Variants in TNIK observed in about 807,000 individuals in gnomAD.
TNIK encodes the protein TRAF2 and NCK interacting kinase, also known as TRAF2 and NCK-interacting protein kinase.
Under a neutral mutation model 191.3 loss-of-function variants are expected in TNIK, and 49 were observed. That is an observed-to-expected ratio of 0.26 (90% CI 0.20 to 0.32). TNIK has a LOEUF of 0.32. Ranked by LOEUF, TNIK falls within the 10% of genes least tolerant of loss-of-function variation. TNIK has a pLI of 1.00. For missense variants in TNIK, 1,155 were observed against 1,702.3 expected (o/e 0.68, Z 5.66); for synonymous variants, 594 against 600.9 (o/e 0.99, Z 0.17).
chr3:171,297,736 T>C (rs756114076), intron 2 of TNIK, among the ~76,000 whole-genome samples: 2 of 152,204 alleles, frequency 1.3e-5, no homozygotes, highest in Non-Finnish European at 2.9e-5. Context: ...GCATTTTAAG[T>C]GTAAAAAATG....
chr3:171,311,407 T>G (rs1164311742), intron 2 of TNIK, among the ~76,000 whole-genome samples: 2 of 152,178 alleles, frequency 1.3e-5, no homozygotes, highest in African/African-American at 4.8e-5. Flanking sequence ...TGCTAGGAAC[T>G]CCAAGTATAT....
At chr3:171,125,848 A>G (rs1298494096) in intron 17 of TNIK, 64 bp downstream of exon 17, 3 of 1,582,590 alleles carry the variant, frequency 1.9e-6, no homozygotes, top group African/African-American at 1.3e-5. Context: ...AAAGGTCTGG[A>G]ATAGTGGTAA....
chr3:171,252,130 T>C (rs1560323813), intron 2 of TNIK, among the ~76,000 whole-genome samples: 1 of 152,098 alleles, frequency 6.6e-6, no homozygotes, highest in Non-Finnish European at 1.5e-5. Flanking sequence ...CAATCTCCTA[T>C]GTTACCTTCA....
chr3:171,135,852 A>G (rs1385928463), intron 15 of TNIK, among the ~76,000 whole-genome samples: 1 of 152,182 alleles, frequency 6.6e-6, no homozygotes, highest in Non-Finnish European at 1.5e-5. Flanking sequence ...GAGGTCTAGA[A>G]AAGTGCCTTG....
At chr3:171,199,644 G>A (rs1055596731) in intron 4 of TNIK, among the ~76,000 whole-genome samples, 2 of 152,170 alleles carry the variant, frequency 1.3e-5, no homozygotes, top group African/African-American at 4.8e-5. Context: ...CAGGGTGAAA[G>A]CACGTTGCTC....
rs60887361 is a variant in TNIK at position 171,365,161 on chromosome 3, C to CTTTTTTTTTTTTTT, written c.123+4445_123+4458dup. Among the ~76,000 whole-genome samples the CTTTTTTTTTTTTTT allele has an allele frequency of 3.4e-3, 107 of 31,934 alleles. 32 individuals carry two copies. The highest frequency in any genetic ancestry group is 5.9e-3 in the Admixed American group (10 of 1,688). 20.9% of individuals were successfully genotyped at this position (31,934 alleles called of 152,430 possible). A position where few individuals can be genotyped will look rare whatever the true frequency, so the allele number is the denominator to read the frequency against. On this transcript the variant is annotated intron_variant, in intron 2 of 32. Coordinates refer to ENST00000436636, the MANE Select transcript of TNIK (RefSeq NM_015028.4). ...AAGGACTACACAAAAGGACTACATT[C>CTTTTTTTTTTTTTT]TTTTTTTTTTTTTTTTTTTTTTTTT...
chr3:171,341,656 T>C (rs955947101), intron 2 of TNIK, among the ~76,000 whole-genome samples: 1 of 152,016 alleles, frequency 6.6e-6, no homozygotes, highest in African/African-American at 2.4e-5. Context: ...GCCCAAAAAA[T>C]AACGTGATCA....
chr3:171,319,410 T>A (rs1218771562), intron 2 of TNIK, among the ~76,000 whole-genome samples: 1 of 152,094 alleles, frequency 6.6e-6, no homozygotes, highest in Admixed American at 6.6e-5. Context: ...AGAGTGTTTT[T>A]CCCCTTACTG....
chr3:171,312,790 A>G (rs1754188426), intron 2 of TNIK, among the ~76,000 whole-genome samples: 1 of 152,152 alleles, frequency 6.6e-6, no homozygotes, highest in Admixed American at 6.6e-5. Flanking sequence ...TGTCTCTGAC[A>G]ATATTACTAC....
rs1578015893 is a variant in TNIK, at chr3:171,460,358, G to T, written c.-295C>A. On this transcript the variant is annotated 5_prime_UTR_variant, in exon 1 of 33. Coordinates refer to ENST00000436636, the MANE Select transcript of TNIK (RefSeq NM_015028.4). The surrounding 1 kb of genome is among the most constrained non-coding windows in gnomAD (Gnocchi z 6.8). ...GGGCTGCGTGGGTGTATTTAAATGG[G>T]ACATGCTTCTTTGCTTGTGCGTGGA... The T allele has an allele frequency of 4.0e-6, 2 of 505,548 alleles. No individual in the cohort carries two copies. The highest frequency in any genetic ancestry group is 7.4e-5 in the East Asian group (2 of 26,946). 31.3% of individuals were successfully genotyped at this position (505,548 alleles called of 1,614,324 possible). A position where few individuals can be genotyped will look rare whatever the true frequency, so the allele number is the denominator to read the frequency against.
chr3:171,314,056 G>A (rs1308834121), intron 2 of TNIK, among the ~76,000 whole-genome samples: 5 of 152,082 alleles, frequency 3.3e-5, no homozygotes, highest in Non-Finnish European at 7.4e-5. Flanking sequence ...TTAATACTTG[G>A]TGCCATATTA....
At chr3:171,362,473 T>C (rs1715128043) in intron 2 of TNIK, among the ~76,000 whole-genome samples, 2 of 151,932 alleles carry the variant, frequency 1.3e-5, no homozygotes, top group Non-Finnish European at 1.5e-5. Context: ...TAAAAACCAA[T>C]AAATCAAATG....
intron 2 of TNIK, among the ~76,000 whole-genome samples, chr3:171,272,224 T>C (rs1343376803): frequency 6.6e-6 from 1 of 152,210 alleles, no homozygotes; most frequent in African/African-American, 2.4e-5. Flanking sequence ...CCATGACTGG[T>C]GTTGGGACTA....
At chr3:171,459,921 C>G in intron 1 of TNIK, 86 bp downstream of exon 1, 12 of 1,150,492 alleles carry the variant, frequency 1.0e-5, no homozygotes, top group African/African-American at 1.5e-5. Context: ...TGTCCCCCTG[C>G]CCCAGCCCCA....
intron 1 of TNIK, among the ~76,000 whole-genome samples, chr3:171,395,210 T>C (rs912309051): frequency 7.9e-5 from 12 of 152,158 alleles, no homozygotes; most frequent in African/African-American, 2.9e-4. Context: ...AACAGCAGAT[T>C]CTGGCAGTAG....
At chr3:171,379,513 A>G (rs1717725080) in intron 1 of TNIK, among the ~76,000 whole-genome samples, 2 of 152,192 alleles carry the variant, frequency 1.3e-5, no homozygotes, top group South Asian at 4.1e-4. Flanking sequence ...CTGCTTGTGC[A>G]CACAAGGAAT....
chr3:171,403,754 C>T (rs1340524751), intron 1 of TNIK, among the ~76,000 whole-genome samples: 1 of 61,252 alleles, frequency 1.6e-5, no homozygotes, highest in Non-Finnish European at 3.5e-5. Context: ...GACAGTAGAA[C>T]TAGAATAGAG....
intron 1 of TNIK, among the ~76,000 whole-genome samples, chr3:171,377,867 T>C (rs1244420103): frequency 6.6e-6 from 1 of 152,224 alleles, no homozygotes; most frequent in Non-Finnish European, 1.5e-5. Flanking sequence ...CCCAAGGTGA[T>C]GACAACATTG....
chr3:171,342,645 CAAAAT>C (rs1431861256), intron 2 of TNIK, among the ~76,000 whole-genome samples: 1 of 152,050 alleles, frequency 6.6e-6, no homozygotes, highest in Non-Finnish European at 1.5e-5. Context: ...ACCCAATGTA[CAAAAT>C]AAAATACACA....
Sources: allele counts gnomAD v4.1 joint callset (sites outside exome capture counted in the v4.1 genomes callset), GRCh38; gene constraint gnomAD v4.1.1; non-coding constraint Gnocchi (gnomAD v3.1); transcripts MANE v1.5; gene names NCBI Gene and HGNC (gene_info 2026-07-23, HGNC 2026-07-21).